USP3: variants seen among roughly 807,000 people sequenced by gnomAD.
USP3 encodes ubiquitin carboxyl-terminal hydrolase 3.
Under a neutral mutation model 72.3 loss-of-function variants are expected in USP3, and 20 were observed. The observed-to-expected ratio is 0.28, with a 90% CI of 0.19 to 0.40. The LOEUF is 0.40. Ranked by LOEUF, USP3 falls within the 10% of genes least tolerant of loss-of-function variation. The pLI is 1.00. For missense variants in USP3, 479 were observed against 633.9 expected (o/e 0.76, Z 2.62); for synonymous variants, 222 against 225.3 (o/e 0.99, Z 0.13).
intron 1 of USP3, among the ~76,000 whole-genome samples, chr15:63,505,221 C>T (rs1007382401): frequency 1.3e-5 from 2 of 152,080 alleles, no homozygotes; most frequent in African/African-American, 4.8e-5. Context: ...CGAGGGGCGG[C>T]CGCACGTGTG....
Position 63,547,886 on chromosome 15 carries a change from G to GGC in USP3, c.285-5829_285-5828insGC, listed in dbSNP as rs756920548. On this transcript the variant is annotated intron_variant, in intron 3 of 14. Coordinates refer to ENST00000380324, the MANE Select transcript of USP3 (RefSeq NM_006537.4). ...AGGCATAGAGAGAGAGAGAGAGAGA[G>GGC]AGAGAGAGAGGCATAGAGAGAGGCA... 1.0e-2 allele frequency among the ~76,000 whole-genome samples: 557 copies of GGC among 55,862 alleles called. 84 individuals carry two copies. Among genetic ancestry groups the GGC allele is most frequent in the African/African-American group, 0.037 (501 of 13,360 alleles). 36.6% of individuals were successfully genotyped at this position (55,862 alleles called of 152,430 possible).
rs781512510 is a variant in USP3 at position 63,504,850 on chromosome 15, G to A, written c.91+20G>A. 4.8e-5 allele frequency: 76 copies of A among 1,569,504 alleles called. No individual in the cohort carries two copies. Among genetic ancestry groups the A allele is most frequent in the Non-Finnish European group, 6.1e-5 (71 of 1,160,040 alleles). ...GCAGCGGTGAGTGCGGCCACGGGCC[G>A]GCCCCGCAGCGCACCCGAGGCCGCG... is the stretch of plus-strand genomic sequence containing the variant. On this transcript the variant is annotated intron_variant, in intron 1 of 14. Transcript: ENST00000380324.
intron 4 of USP3, among the ~76,000 whole-genome samples, chr15:63,556,031 T>C (rs2066502223): frequency 6.6e-6 from 1 of 152,224 alleles, no homozygotes; most frequent in African/African-American, 2.4e-5. Flanking sequence ...GAAATAACTT[T>C]CTGATAAATT....
chr15:63,584,129 G>C (rs182403435), intron 11 of USP3, among the ~76,000 whole-genome samples: 163 of 121,454 alleles, frequency 1.3e-3, no homozygotes, highest in Non-Finnish European at 2.2e-3. Context: ...ATGGAGTCTC[G>C]CTCTGTCGCG....
chr15:63,553,871 G>C lies in USP3; in HGVS notation c.368+73G>C. 8.7e-7 allele frequency: 1 copy of C among 1,153,064 alleles called. No individual in the cohort carries two copies. The highest frequency in any genetic ancestry group is 1.2e-6 in the Non-Finnish European group (1 of 807,998). 71.4% of individuals were successfully genotyped at this position (1,153,064 alleles called of 1,614,324 possible). A position where few individuals can be genotyped will look rare whatever the true frequency, so the allele number is the denominator to read the frequency against. ...GGAGTCTTTTAGAATTTTTGAGTGG[G>C]GTTTTTGTTGATGAGTTTAATAACT... On this transcript the variant is annotated intron_variant, in intron 4 of 14. Transcript: ENST00000380324. The surrounding 1 kb of genome is among the most constrained non-coding windows in gnomAD (Gnocchi z 4.2).
intron 1 of USP3, among the ~76,000 whole-genome samples, chr15:63,508,178 A>G (rs967778657): frequency 1.3e-5 from 2 of 152,208 alleles, no homozygotes; most frequent in South Asian, 4.1e-4. Flanking sequence ...GATCCCCTGA[A>G]TGGGTCCTGG....
chr15:63,568,418 G>A (rs1295792410), intron 8 of USP3, among the ~76,000 whole-genome samples: 1 of 151,000 alleles, frequency 6.6e-6, no homozygotes, highest in African/African-American at 2.4e-5. Flanking sequence ...CTGTACTTCC[G>A]GTCTGTCACA....
intron 11 of USP3, among the ~76,000 whole-genome samples, chr15:63,578,432 G>A (rs1193358113): frequency 3.3e-5 from 5 of 150,458 alleles, no homozygotes; most frequent in African/African-American, 9.8e-5. Flanking sequence ...GTGAAACCCC[G>A]TCTCTACTAA....
intron 3 of USP3, among the ~76,000 whole-genome samples, chr15:63,541,205 C>T (rs1371198819): frequency 6.6e-6 from 1 of 151,998 alleles, no homozygotes; most frequent in Non-Finnish European, 1.5e-5. Flanking sequence ...TTAAAGCATC[C>T]TTTCAAATGA....
intron 1 of USP3, among the ~76,000 whole-genome samples, chr15:63,505,244 C>T (rs1466531380): frequency 5.3e-5 from 8 of 152,086 alleles, no homozygotes; most frequent in Non-Finnish European, 7.4e-5. Context: ...GGGGCCCGCG[C>T]CGCGCTTCTC....
At chr15:63,546,092 G>A (rs533687407) in intron 3 of USP3, among the ~76,000 whole-genome samples, 1 of 149,846 alleles carries the variant, frequency 6.7e-6, no homozygotes, top group South Asian at 2.2e-4. Context: ...GTCATATAAT[G>A]TAGGTAGTTC....
At chr15:63,537,813 G>A (rs1346970655) in intron 3 of USP3, among the ~76,000 whole-genome samples, 2 of 152,044 alleles carry the variant, frequency 1.3e-5, no homozygotes, top group Non-Finnish European at 2.9e-5. Context: ...AGCCTCCCAA[G>A]TAGCTGGGAT....
intron 1 of USP3, among the ~76,000 whole-genome samples, chr15:63,513,167 A>T (rs1397613019): frequency 6.6e-6 from 1 of 152,136 alleles, no homozygotes; most frequent in African/African-American, 2.4e-5. Context: ...CCTTCTTTGT[A>T]GAAATTGTTG....
At chr15:63,567,152 G>A (rs898527080) in intron 8 of USP3, among the ~76,000 whole-genome samples, 6 of 152,074 alleles carry the variant, frequency 3.9e-5, no homozygotes, top group Admixed American at 2.6e-4. Context: ...TATTTGGAAC[G>A]TCTGCTTTTC....
At chr15:63,509,164 T>C (rs1320162272) in intron 1 of USP3, among the ~76,000 whole-genome samples, 2 of 152,188 alleles carry the variant, frequency 1.3e-5, no homozygotes, top group Non-Finnish European at 2.9e-5. Flanking sequence ...TTAACACTCG[T>C]TTGCCCAGTG....
intron 3 of USP3, among the ~76,000 whole-genome samples, chr15:63,540,270 TTC>T (rs553683477): frequency 2.1e-3 from 317 of 152,326 alleles, no homozygotes; most frequent in African/African-American, 7.3e-3. Context: ...CACTGAACTC[TTC>T]TCTTTCCCCA....
chr15:63,512,385 TTTCTTCTTTCTTCCTTC>T (rs1330250870), intron 1 of USP3, among the ~76,000 whole-genome samples: 2 of 150,838 alleles, frequency 1.3e-5, no homozygotes, highest in East Asian at 3.9e-4. Flanking sequence ...CTTCTTTCTT[TTTCTTCTTTCTTCCTTC>T]TTCTTCTTTC....
chr15:63,573,110 A>G (rs1250856707), intron 9 of USP3, among the ~76,000 whole-genome samples: 2 of 152,224 alleles, frequency 1.3e-5, no homozygotes, highest in South Asian at 2.1e-4. Context: ...TCTGACACAC[A>G]GTGGGGCTGT....
intron 8 of USP3, among the ~76,000 whole-genome samples, chr15:63,567,580 T>C (rs890923843): frequency 6.6e-6 from 1 of 151,656 alleles, no homozygotes; most frequent in Non-Finnish European, 1.5e-5. Context: ...TCTCCTGACC[T>C]CATGATCTGC....
Sources: gnomAD v4.1 joint callset for allele counts (sites outside exome capture counted in the v4.1 genomes callset) on GRCh38, gnomAD v4.1.1 for gene constraint, Gnocchi (gnomAD v3.1) non-coding constraint, MANE v1.5 for transcripts, NCBI Gene and HGNC (gene_info 2026-07-23, HGNC 2026-07-21) for gene names.